The following NAGK variants were observed in gnomAD, a reference collection of about 807,000 sequenced individuals.
The protein encoded by NAGK is N-acetyl-D-glucosamine kinase.
A neutral mutation model predicts 42.9 loss-of-function variants in NAGK; 35 were observed. The observed-to-expected ratio is 0.82, with a 90% CI of 0.62 to 1.08. The LOEUF (loss-of-function observed/expected upper bound fraction) is 1.08. NAGK is among the 50% of genes least tolerant of loss of function. NAGK has a pLI of 0.00. For missense variants in NAGK, 446 were observed against 446.0 expected (o/e 1.00, Z 0.00); for synonymous variants, 172 against 176.0 (o/e 0.98, Z 0.18).
chr2:71,078,200 C>T, intron 9 of NAGK, 118 bp from the exon 10 acceptor site: 2 of 983,760 alleles, frequency 2.0e-6, no homozygotes, highest in Non-Finnish European at 3.1e-6. Context: ...CATGTAGGCC[C>T]CTCCAGCATC....
Position 71,078,523 on chromosome 2 carries a change from C to T in NAGK, c.*15C>T. On this transcript the variant is annotated 3_prime_UTR_variant, in exon 10 of 10. Transcript: ENST00000244204. ...CCTTTTCCTAGGGGGCTGGTCCCGG[C>T]TCCACCCCCTCCAAGCTCAGTGGAC... The T allele has an allele frequency of 6.7e-7, 1 of 1,501,244 alleles. No individual in the cohort carries two copies. Among genetic ancestry groups the T allele is most frequent in the Non-Finnish European group, 8.9e-7 (1 of 1,118,560 alleles). The allele number at this position is 1,501,244 out of a possible 1,614,324, so 93.0% of individuals were successfully genotyped here.
intron 9 of NAGK, 61 bp from the exon 10 acceptor site, chr2:71,078,257 C>T: frequency 6.5e-7 from 1 of 1,541,976 alleles, no homozygotes; most frequent in Non-Finnish European, 9.0e-7. Context: ...TGTCTTCCTT[C>T]CTGGCCCCAG....
At chr2:71,071,449 G>A in intron 3 of NAGK, 2 of 540,998 alleles carry the variant, frequency 3.7e-6, no homozygotes, top group Non-Finnish European at 6.4e-6. Context: ...GCCCTTCCAA[G>A]CTCCAAAGCT....
intron 1 of NAGK, chr2:71,069,090 G>A: frequency 5.8e-6 from 6 of 1,027,612 alleles, no homozygotes; most frequent in Non-Finnish European, 7.0e-6. Flanking sequence ...CGGGCAGGGT[G>A]GGGAGTGGGA....
Position 71,073,584 on chromosome 2 carries a change from A to T in NAGK, c.569A>T (p.His190Leu). 6.2e-7 allele frequency: 1 copy of T among 1,612,848 alleles called. No individual in the cohort carries two copies. Among genetic ancestry groups the T allele is most frequent in the East Asian group, 2.2e-5 (1 of 44,878 alleles). ...DIGYVKQAMF[H>L]YFQVPDRLGI... is the part of the protein sequence containing the mutation. ...GGCTACGTCAAACAGGCCATGTTCC[A>T]CTATTTCCAGGTACTCCTCCTGCTC... Residue 190 changes from histidine to leucine, a missense_variant, in exon 6 of 10, where the codon CAC (histidine) becomes CTC (leucine). Coordinates refer to ENST00000244204, the MANE Select transcript of NAGK (RefSeq NM_017567.6).
chr2:71,070,763 T>G lies in NAGK; in HGVS notation c.137T>G (p.Val46Gly). ...CAGCTGATCGGGACAGACAAGTGTG[T>G]GGAGAGGATCAATGAGATGGTGAAC... is the stretch of plus-strand genomic sequence containing the variant. ...NHWLIGTDKC[V>G]ERINEMVNRA... is the part of the protein sequence containing the mutation. The change falls in exon 3 of 10, where the codon GTG becomes GGG. Residue 46 changes from valine (V) to glycine (G), a missense_variant. Physicochemically the swap from Val to Gly is moderately radical, Grantham distance 109 (BLOSUM62 -3). Transcript: ENST00000244204. The G allele has an allele frequency of 6.2e-7, 1 of 1,614,134 alleles. No individual in the cohort carries two copies. Among genetic ancestry groups the G allele is most frequent in the Middle Eastern group, 1.6e-4 (1 of 6,062 alleles).
intron 3 of NAGK, chr2:71,071,231 A>T: frequency 3.5e-6 from 1 of 285,696 alleles, no homozygotes; most frequent in Non-Finnish European, 6.8e-6. Context: ...ATAGAGCCTG[A>T]CCCATAAGCA....
Position 71,075,632 on chromosome 2 carries a change from A to G in NAGK, c.657A>G (p.Lys219=), listed in dbSNP as rs779329819. 1.9e-6 allele frequency: 3 copies of G among 1,613,592 alleles called. No homozygotes were observed. The South Asian group carries it at 3.3e-5, about 18-fold the overall frequency. Residue 219 remains lysine (K), a synonymous_variant, in exon 7 of 10, where the codon AAA becomes AAG. Transcript: ENST00000244204. ...GCAGGTTTGCTGGGTTTTGCCGGAA[A>G]ATTGCAGAAGGTACTGGAGGTGGGG... ...DKCRFAGFCR[K]IAEGAQQGDP... is the part of the protein sequence containing the mutation.
intron 7 of NAGK, chr2:71,076,384 C>T (rs1672210513): frequency 4.5e-6 from 2 of 444,090 alleles, no homozygotes; most frequent in Non-Finnish European, 8.2e-6. Flanking sequence ...CCTGAGTGAG[C>T]ACCTCTGTAC....
chr2:71,071,942 C>T, intron 4 of NAGK, 115 bp downstream of exon 4: 1 of 1,331,328 alleles, frequency 7.5e-7, no homozygotes, highest in Non-Finnish European at 1.0e-6. Context: ...CTCTTATATT[C>T]CCCTCAACTC....
At chr2:71,070,461 G>A in intron 1 of NAGK, 41 bp from the exon 2 acceptor site, 1 of 1,566,800 alleles carries the variant, frequency 6.4e-7, no homozygotes, top group Non-Finnish European at 8.8e-7. Context: ...CTCTCTGTGG[G>A]TTTTTCCGAG....
chr2:71,075,521 T>C, intron 6 of NAGK, 34 bp from the exon 7 acceptor site: 2 of 1,550,954 alleles, frequency 1.3e-6, no homozygotes, highest in Non-Finnish European at 1.8e-6. Context: ...TTCCTTTGCT[T>C]CTGATGACTC....
intron 1 of NAGK, chr2:71,068,957 C>G: frequency 7.9e-7 from 1 of 1,266,244 alleles, no homozygotes. Flanking sequence ...GGCGGAACCA[C>G]GCCCCTTTCT....
At chr2:71,077,517 G>T (rs1431144664) in intron 8 of NAGK, 41 bp from the exon 9 acceptor site, 1 of 1,564,252 alleles carries the variant, frequency 6.4e-7, no homozygotes, top group Admixed American at 1.9e-5. Context: ...CACTGGAGAG[G>T]CTAGGTTGGC....
At chr2:71,069,158 C>CGAGCCA in intron 1 of NAGK, 1 of 961,000 alleles carries the variant, frequency 1.0e-6, no homozygotes, top group South Asian at 4.3e-5. Context: ...GGAGCAGCTG[C>CGAGCCA]GAGCCAGAGT....
intron 1 of NAGK, chr2:71,068,985 C>G: frequency 1.6e-6 from 2 of 1,231,620 alleles, no homozygotes. Context: ...AACACCCACT[C>G]CGCTGTCTTC....
chr2:71,069,037 CAG>C, intron 1 of NAGK: 1 of 1,098,126 alleles, frequency 9.1e-7, no homozygotes, highest in Non-Finnish European at 1.1e-6. Flanking sequence ...TGACCTCGGA[CAG>C]AGTTTTGCAG....
chr2:71,073,851 A>C (rs1205502198), intron 6 of NAGK, among the ~76,000 whole-genome samples: 2 of 152,176 alleles, frequency 1.3e-5, no homozygotes, highest in African/African-American at 4.8e-5. Flanking sequence ...GCCAGACTTC[A>C]TTCTTGGGCA....
At chr2:71,073,282 C>G in intron 5 of NAGK, 200 bp from the exon 6 acceptor site, 1 of 594,144 alleles carries the variant, frequency 1.7e-6, no homozygotes, top group Non-Finnish European at 3.0e-6. Context: ...CCAACTTTCC[C>G]TTATCTTGGT....
Sources: gnomAD v4.1 joint callset for allele counts (sites outside exome capture counted in the v4.1 genomes callset) on GRCh38, gnomAD v4.1.1 for gene constraint, MANE v1.5 for transcripts, NCBI Gene and HGNC (gene_info 2026-07-23, HGNC 2026-07-21) for gene names.